The following HOOK3 variants were observed in gnomAD, a reference collection of about 807,000 sequenced individuals.
The protein encoded by HOOK3 is protein Hook homolog 3.
HOOK3 carries 24 observed loss-of-function variants against 116.3 expected under a neutral mutation model. The observed-to-expected ratio is 0.21, with a 90% CI of 0.15 to 0.29. The LOEUF (loss-of-function observed/expected upper bound fraction) is 0.29. Among genes scored for constraint, HOOK3 ranks in the 10% least tolerant of loss-of-function variants. HOOK3 has a pLI of 1.00. For missense variants in HOOK3, 632 were observed against 830.2 expected, an observed-to-expected ratio of 0.76 and a Z score of 2.93; for synonymous variants, 275 against 283.0, an observed-to-expected ratio of 0.97 and a Z score of 0.28.
chr8:42,958,567 TCTAA>T (rs1439677437), intron 7 of HOOK3, among the ~76,000 whole-genome samples: 1 of 151,740 alleles, frequency 6.6e-6, no homozygotes, highest in African/African-American at 2.4e-5. Context: ...TTCGTCGTAT[TCTAA>T]CTATTTTCAC....
intron 19 of HOOK3, 28 bp downstream of exon 19, chr8:43,010,433 C>A: frequency 1.2e-6 from 1 of 837,688 alleles, no homozygotes; most frequent in Non-Finnish European, 1.8e-6. Flanking sequence ...AGGCATCTCA[C>A]TCTACCTTCT....
At position 43,026,972 on chromosome 8, in the gene HOOK3, G is replaced by T; in HGVS notation, c.*8474G>T. 5.5e-6 allele frequency: 1 copy of T among 182,618 alleles called. No homozygotes were observed. Among genetic ancestry groups the T allele is most frequent in the East Asian group, 9.1e-5 (1 of 11,046 alleles). The allele number at this position is 182,618 out of a possible 1,614,324, so 11.3% of individuals were successfully genotyped here. A position where few individuals can be genotyped will look rare whatever the true frequency, so the allele number is the denominator to read the frequency against. ...AGTGGCACAATCTCAGCTCACTGCAGCCTCCACCTCCCGGTTTCAAGTGAT... is the reference window on the plus strand; with the variant it reads ...AGTGGCACAATCTCAGCTCACTGCATCCTCCACCTCCCGGTTTCAAGTGAT... On this transcript the variant is annotated 3_prime_UTR_variant, in exon 22 of 22. Coordinates refer to ENST00000307602, the MANE Select transcript of HOOK3 (RefSeq NM_032410.4).
intron 17 of HOOK3, among the ~76,000 whole-genome samples, chr8:43,004,563 C>T (rs546544322): frequency 6.6e-6 from 1 of 151,136 alleles, no homozygotes; most frequent in Non-Finnish European, 1.5e-5. Flanking sequence ...TGCCTGTAAT[C>T]CCAGCTACTT....
intron 1 of HOOK3, among the ~76,000 whole-genome samples, chr8:42,901,766 C>T (rs1044790355): frequency 2.0e-5 from 3 of 152,188 alleles, no homozygotes; most frequent in African/African-American, 7.2e-5. Flanking sequence ...GGCTGGAGTG[C>T]AGTGGCACAA....
chr8:42,947,012 G>T (rs1034435588), intron 5 of HOOK3, among the ~76,000 whole-genome samples: 9 of 151,868 alleles, frequency 5.9e-5, no homozygotes, highest in Admixed American at 3.3e-4. Flanking sequence ...CTCATGATCC[G>T]CCTGCCTCGG....
chr8:42,920,355 G>A (rs1025878263), intron 2 of HOOK3, among the ~76,000 whole-genome samples: 2 of 152,178 alleles, frequency 1.3e-5, no homozygotes, highest in African/African-American at 4.8e-5. Context: ...TGGAAGCTAC[G>A]GTTAAATGCC....
chr8:42,947,643 G>C (rs890176114), intron 5 of HOOK3, among the ~76,000 whole-genome samples: 2 of 152,204 alleles, frequency 1.3e-5, no homozygotes, highest in Non-Finnish European at 2.9e-5. Flanking sequence ...CAGGAACATA[G>C]TAGAGTGCTA....
chr8:42,931,584 A>G (rs1807874091), intron 4 of HOOK3, among the ~76,000 whole-genome samples: 1 of 150,686 alleles, frequency 6.6e-6, no homozygotes, highest in Non-Finnish European at 1.5e-5. Context: ...GGTGCCTGCC[A>G]CCATGCCCGG....
chr8:42,989,641 C>T (rs1809118566), intron 15 of HOOK3, among the ~76,000 whole-genome samples: 1 of 152,124 alleles, frequency 6.6e-6, no homozygotes, highest in Admixed American at 6.6e-5. Context: ...TTTAAATGTA[C>T]AATTACATTA....
chr8:43,011,084 C>T (rs1586633929), intron 19 of HOOK3, among the ~76,000 whole-genome samples: 1 of 151,948 alleles, frequency 6.6e-6, no homozygotes, highest in East Asian at 1.9e-4. Context: ...GCTCCGCCTC[C>T]CGGGTTCACG....
intron 4 of HOOK3, among the ~76,000 whole-genome samples, chr8:42,937,352 A>ATTT (rs35303192): frequency 1.7e-3 from 188 of 113,888 alleles, no homozygotes; most frequent in Middle Eastern, 0.011. Flanking sequence ...GGATTCATTG[A>ATTT]TTTTTTTTTT....
chr8:43,018,037 C>CT (rs1809755148), intron 21 of HOOK3, among the ~76,000 whole-genome samples: 1 of 152,160 alleles, frequency 6.6e-6, no homozygotes, highest in South Asian at 2.1e-4. Flanking sequence ...CAATCATACT[C>CT]TTTTCCTTGG....
In HOOK3 at chr8:43,027,451, A is replaced by T. The variant is rs1398877591; in HGVS notation, c.*8953A>T. On this transcript the variant is annotated 3_prime_UTR_variant, in exon 22 of 22. Transcript: ENST00000307602. ...TAGATGAGAGACATGCTTTTAAAGT[A>T]CAAAACGTTTCTCTTCTACCTTACC... is the stretch of plus-strand genomic sequence containing the variant. 2.1e-6 allele frequency: 1 copy of T among 479,688 alleles called. No individual in the cohort carries two copies. The highest frequency in any genetic ancestry group is 4.1e-6 in the Non-Finnish European group (1 of 244,594). The allele number at this position is 479,688 out of a possible 1,614,324, so 29.7% of individuals were successfully genotyped here. A position where few individuals can be genotyped will look rare whatever the true frequency, so the allele number is the denominator to read the frequency against.
rs767968034 is a variant in HOOK3, at chr8:42,959,337, C to T, written c.615+23C>T. 14 of 1,468,088 alleles carry T rather than the reference C, an allele frequency of 9.5e-6. No homozygotes were observed. In the South Asian group the frequency reaches 1.6e-4, roughly 17 times the overall value. The allele number at this position is 1,468,088 out of a possible 1,614,324, so 90.9% of individuals were successfully genotyped here. ...CAGGTAAGAGATTTGTTCTGTGCAC[C>T]ACCTCTTTGAAACATACCACTGTAA... On this transcript the variant is annotated intron_variant, in intron 8 of 21. Coordinates refer to ENST00000307602, the MANE Select transcript of HOOK3 (RefSeq NM_032410.4).
intron 16 of HOOK3, among the ~76,000 whole-genome samples, chr8:42,998,513 A>G (rs189200840): frequency 6.6e-6 from 1 of 152,278 alleles, no homozygotes; most frequent in Admixed American, 6.5e-5. Flanking sequence ...AAAACTATAG[A>G]TGTAGCCAAT....
At chr8:42,924,154 TGTG>T (rs1807716083) in intron 2 of HOOK3, among the ~76,000 whole-genome samples, 1 of 152,086 alleles carries the variant, frequency 6.6e-6, no homozygotes, top group Non-Finnish European at 1.5e-5. Context: ...TAGAGGCAGT[TGTG>T]GTGTTATGGA....
chr8:42,941,329 C>A (rs936534187), intron 4 of HOOK3, among the ~76,000 whole-genome samples: 2 of 150,332 alleles, frequency 1.3e-5, no homozygotes, highest in Admixed American at 1.3e-4. Context: ...TCCTGGCTAA[C>A]ACGGTGAAAC....
intron 7 of HOOK3, among the ~76,000 whole-genome samples, chr8:42,957,798 G>A (rs1808461890): frequency 6.8e-6 from 1 of 147,364 alleles, no homozygotes; most frequent in African/African-American, 2.5e-5. Context: ...TAACAGAAAA[G>A]TTACTTTGTA....
At chr8:42,991,017 A>G (rs868690986) in intron 15 of HOOK3, among the ~76,000 whole-genome samples, 1 of 152,194 alleles carries the variant, frequency 6.6e-6, no homozygotes, top group African/African-American at 2.4e-5. Flanking sequence ...ATTTTGCATA[A>G]TGATATCCAG....
Sources: allele counts gnomAD v4.1 joint callset (sites outside exome capture counted in the v4.1 genomes callset), GRCh38; gene constraint gnomAD v4.1.1; transcripts MANE v1.5; gene names NCBI Gene and HGNC (gene_info 2026-07-23, HGNC 2026-07-21).